The following LY9 variants were observed in gnomAD, a reference collection of about 807,000 sequenced individuals.
LY9 encodes the protein lymphocyte antigen 9.
Under a neutral mutation model 64.6 loss-of-function variants are expected in LY9, and 59 were observed. That is an observed-to-expected ratio of 0.91 (90% CI 0.74 to 1.13). The LOEUF (loss-of-function observed/expected upper bound fraction) is 1.13, where lower values mean the gene tolerates loss of function less well. Ranked by LOEUF, LY9 falls within the 50% of genes most tolerant of loss-of-function variation. LY9 has a pLI of 0.00. For synonymous variants in LY9, 281 were observed against 308.5 expected (o/e 0.91, Z 0.93); for missense variants, 789 against 797.2 (o/e 0.99, Z 0.12).
In LY9 at chr1:160,796,329, C is replaced by T. The variant is rs1665853141; in HGVS notation, c.124+18C>T. 4 of 1,608,826 alleles carry T rather than the reference C, an allele frequency of 2.5e-6. No homozygotes were observed. The highest frequency in any genetic ancestry group is 3.4e-6 in the Non-Finnish European group (4 of 1,177,898). Reference sequence around the variant, plus strand: ...GCTCATGGGTAAGTCCACTTTATGGCCACCACTTCTTGCTACTGCGGTTCT... The same window carrying T: ...GCTCATGGGTAAGTCCACTTTATGGTCACCACTTCTTGCTACTGCGGTTCT... On this transcript the variant is annotated intron_variant, in intron 1 of 9. Transcript: ENST00000263285.
intron 1 of LY9, among the ~76,000 whole-genome samples, chr1:160,798,308 C>T (rs1020069473): frequency 1.3e-5 from 2 of 152,142 alleles, no homozygotes; most frequent in African/African-American, 2.4e-5. Flanking sequence ...GCATCATGGA[C>T]ATAGGATCTG....
intron 9 of LY9, 183 bp downstream of exon 9, chr1:160,824,432 T>G (rs1302729049): frequency 1.0e-6 from 1 of 985,280 alleles, no homozygotes; most frequent in African/African-American, 1.7e-5. Flanking sequence ...GACATCTGTG[T>G]GACCAAAGGC....
intron 1 of LY9, chr1:160,799,143 A>T (rs1666193858): frequency 6.5e-6 from 1 of 152,714 alleles, no homozygotes; most frequent in Admixed American, 6.5e-5. Flanking sequence ...AATAAGGGTG[A>T]GGTAGAGGTA....
At chr1:160,796,389 C>CT (rs3831924) in intron 1 of LY9, 78 bp downstream of exon 1, 919,231 of 1,415,028 alleles carry the variant, frequency 0.65, 302,514 homozygotes, top group Non-Finnish European at 0.68. Flanking sequence ...CTGGGAGATT[C>CT]TTTTTTTTGT....
At chr1:160,799,673 T>A in intron 1 of LY9, 80 bp from the exon 2 acceptor site, 2 of 840,468 alleles carry the variant, frequency 2.4e-6, no homozygotes, top group Non-Finnish European at 1.9e-6. Context: ...TTATGCCCAA[T>A]GTATATTCAC....
At chr1:160,801,761 T>C in intron 2 of LY9, 1 of 1,558,806 alleles carries the variant, frequency 6.4e-7, no homozygotes, top group Non-Finnish European at 8.8e-7. Context: ...AACTTCATTC[T>C]TCTGCATGTG....
Position 160,818,218 on chromosome 1 carries a change from G to A in LY9, c.1343G>A (p.Gly448Glu). ...HQFLSENICS[G>E]PERNTKLWIG... ...AACATCACTCATTTCCTCCTCAAAG[G>A]ACCTGAGAGAAACACAAAGCTTTGG... Residue 448 changes from glycine to glutamate, a missense_variant and splice_region_variant, in exon 6 of 10, where the codon GGA becomes GAA. Physicochemically the swap from Gly to Glu is moderately conservative, Grantham distance 98. Transcript: ENST00000263285. 6.2e-7 allele frequency: 1 copy of A among 1,608,106 alleles called. No individual in the cohort carries two copies. The highest frequency in any genetic ancestry group is 8.5e-7 in the Non-Finnish European group (1 of 1,174,870).
intron 5 of LY9, among the ~76,000 whole-genome samples, chr1:160,817,572 A>G (rs1194500720): frequency 6.6e-6 from 1 of 152,240 alleles, no homozygotes; most frequent in Admixed American, 6.5e-5. Flanking sequence ...AAGAAGCCCC[A>G]GTGGCCCTTA....
chr1:160,813,391 C>T (rs1040957573), intron 2 of LY9: 11 of 544,660 alleles, frequency 2.0e-5, no homozygotes, highest in East Asian at 9.1e-5. Context: ...TTACACTGGT[C>T]GGGGAGAGAG....
At position 160,816,846 on chromosome 1, in the gene LY9, C is replaced by G; in HGVS notation, c.1325C>G (p.Ser442Cys). 6.2e-7 allele frequency: 1 copy of G among 1,614,200 alleles called. No homozygotes were observed. Among genetic ancestry groups the G allele is most frequent in the Non-Finnish European group, 8.5e-7 (1 of 1,180,024 alleles). ...AGCAGGAGTTCCCACCAGTTTCTTT[C>G]TGAGAACATCTGTTCAGGTTTCTCT... ...PVSRSSHQFL[S>C]ENICSGPERN... Residue 442 changes from serine to cysteine, a missense_variant, in exon 5 of 10, where the codon TCT becomes TGT. Coordinates refer to ENST00000263285, the MANE Select transcript of LY9 (RefSeq NM_002348.4).
intron 6 of LY9, among the ~76,000 whole-genome samples, chr1:160,818,663 A>C (rs999228542): frequency 6.6e-6 from 1 of 152,116 alleles, no homozygotes; most frequent in South Asian, 2.1e-4. Context: ...TCCACCTTTC[A>C]TCTCTACTGT....
chr1:160,825,683 G>C (rs1035334069), intron 9 of LY9, among the ~76,000 whole-genome samples: 3 of 152,182 alleles, frequency 2.0e-5, no homozygotes, highest in Admixed American at 1.3e-4. Flanking sequence ...GCCGAGGCAG[G>C]TGGATCACCT....
In LY9 at chr1:160,828,000, A is replaced by C. The variant is rs913121520; in HGVS notation, c.*184A>C. On this transcript the variant is annotated 3_prime_UTR_variant, in exon 10 of 10. Transcript: ENST00000263285. ...GGACTCCCAAACCCATTAATAGTTC[A>C]GACACAGGCTCCTTCTTGGAGCCTA... 10 of 454,556 alleles carry C rather than the reference A, an allele frequency of 2.2e-5. No individual in the cohort carries two copies. Among genetic ancestry groups the C allele is most frequent in the African/African-American group, 2.0e-4 (10 of 49,658 alleles). 28.2% of individuals were successfully genotyped at this position (454,556 alleles called of 1,614,324 possible).
intron 2 of LY9, chr1:160,801,858 G>T (rs779799023): frequency 1.2e-6 from 2 of 1,614,178 alleles, no homozygotes; most frequent in Non-Finnish European, 1.7e-6. Flanking sequence ...GGAGGGCAGC[G>T]GCCTGGAGTC....
In LY9 at chr1:160,816,879, T is replaced by C; in HGVS notation, c.1342+16T>C. ...ATCTGTTCAGGTTTCTCTCCATCTC[T>C]ATTTACTCAGGTCACAGGACCTTGG... On this transcript the variant is annotated intron_variant, in intron 5 of 9. Transcript: ENST00000263285. The C allele has an allele frequency of 6.2e-7, 1 of 1,613,580 alleles. No homozygotes were observed. Among genetic ancestry groups the C allele is most frequent in the Non-Finnish European group, 8.5e-7 (1 of 1,179,532 alleles).
At chr1:160,800,906 G>A (rs954131255) in intron 2 of LY9, among the ~76,000 whole-genome samples, 1 of 152,216 alleles carries the variant, frequency 6.6e-6, no homozygotes, top group Non-Finnish European at 1.5e-5. Flanking sequence ...AGTATTCCAT[G>A]ATGTGTATAA....
intron 2 of LY9, chr1:160,812,450 T>G (rs1667553506): frequency 6.6e-6 from 1 of 152,076 alleles, no homozygotes; most frequent in Non-Finnish European, 1.5e-5. Flanking sequence ...CCGTTTTCAT[T>G]GATTTGTAGG....
At chr1:160,825,207 T>TA (rs60088243) in intron 9 of LY9, among the ~76,000 whole-genome samples, 4,797 of 138,696 alleles carry the variant, frequency 0.035, 235 homozygotes, top group African/African-American at 0.12. Flanking sequence ...GACCATGTCT[T>TA]AAAAAAAAAA....
intron 9 of LY9, chr1:160,824,751 G>A (rs910961513): frequency 2.3e-5 from 14 of 600,888 alleles, no homozygotes; most frequent in East Asian, 2.9e-4. Context: ...AGGCCAAGGC[G>A]GGTGGATCAC....
Sources: gnomAD v4.1 joint callset for allele counts (sites outside exome capture counted in the v4.1 genomes callset) on GRCh38, gnomAD v4.1.1 for gene constraint, MANE v1.5 for transcripts, NCBI Gene and HGNC (gene_info 2026-07-23, HGNC 2026-07-21) for gene names.